The following SGCD variants were observed in gnomAD, a reference collection of about 807,000 sequenced individuals.
SGCD encodes the protein sarcoglycan delta.
Under a neutral mutation model 36.6 loss-of-function variants are expected in SGCD, and 18 were observed. The ratio of observed to expected loss-of-function variants is 0.49; its 90% confidence interval spans 0.34 to 0.73. The LOEUF is 0.73. SGCD is among the 30% of genes least tolerant of loss of function. The pLI is 0.01. For synonymous variants in SGCD, 133 were observed against 130.6 expected (o/e 1.02, Z -0.12); for missense variants, 387 against 346.7 (o/e 1.12, Z -0.92).
intron 3 of SGCD, among the ~76,000 whole-genome samples, chr5:156,186,081 CA>C (rs535785565): frequency 0.037 from 5,268 of 140,700 alleles, 113 homozygotes; most frequent in African/African-American, 0.066. Context: ...ACTTTCCTGG[CA>C]AAAAAAAAAA....
At chr5:156,305,543 C>A (rs1352131413) in intron 3 of SGCD, among the ~76,000 whole-genome samples, 1 of 152,122 alleles carries the variant, frequency 6.6e-6, no homozygotes, top group African/African-American at 2.4e-5. Flanking sequence ...TCATGGAGAA[C>A]CTCTGTTAGG....
chr5:155,862,365 G>A, the SGCD span, among the ~76,000 whole-genome samples: 4 of 152,086 alleles, frequency 2.6e-5, no homozygotes, highest in Admixed American at 1.3e-4. Context: ...TAATCAAAGG[G>A]TTACCTAGGC....
intron 3 of SGCD, among the ~76,000 whole-genome samples, chr5:156,425,599 G>GT (rs1773636860): frequency 6.6e-6 from 1 of 151,670 alleles, no homozygotes; most frequent in African/African-American, 2.4e-5. Flanking sequence ...GGTACATGTT[G>GT]TTTTTTGTTA....
intron 1 of SGCD, among the ~76,000 whole-genome samples, chr5:155,912,288 A>G (rs2113358903): frequency 6.6e-6 from 1 of 152,232 alleles, no homozygotes; most frequent in Non-Finnish European, 1.5e-5. Flanking sequence ...GAAATGGTAG[A>G]TGCATTAACA....
the SGCD span, among the ~76,000 whole-genome samples, chr5:155,812,697 C>T: frequency 2.6e-5 from 4 of 152,162 alleles, no homozygotes; most frequent in Non-Finnish European, 4.4e-5. Flanking sequence ...GAATAAGAAC[C>T]AATGTATGAG....
chr5:156,520,032 A>T (rs1015050521), intron 4 of SGCD, among the ~76,000 whole-genome samples: 4 of 152,160 alleles, frequency 2.6e-5, no homozygotes, highest in Admixed American at 2.6e-4. Flanking sequence ...CCACCAAGAG[A>T]AAGAAATAAA....
At chr5:156,487,331 C>T (rs747911117) in intron 3 of SGCD, among the ~76,000 whole-genome samples, 8 of 152,186 alleles carry the variant, frequency 5.3e-5, no homozygotes, top group Non-Finnish European at 1.0e-4. Context: ...TCAATCAACA[C>T]TATAGATGCA....
intron 3 of SGCD, among the ~76,000 whole-genome samples, chr5:156,502,977 G>A (rs2127865847): frequency 6.6e-6 from 1 of 152,270 alleles, no homozygotes; most frequent in Non-Finnish European, 1.5e-5. Flanking sequence ...GAGAGACAGG[G>A]AAGTAGGCTA....
chr5:156,751,124 T>C (rs1440933322), intron 7 of SGCD, among the ~76,000 whole-genome samples: 2 of 151,850 alleles, frequency 1.3e-5, no homozygotes, highest in Non-Finnish European at 2.9e-5. Flanking sequence ...AAAACTCAAG[T>C]AAGCTACAAT....
Position 156,047,647 on chromosome 5 carries a change from G to C in SGCD, c.-281-70231G>C, listed in dbSNP as rs530159267. On this transcript the variant is annotated intron_variant, in intron 1 of 9. Transcript: ENST00000517913. ...CCTGCTGCTAAGACTTACAGCTTGG[G>C]GGGGAAAAAGTTCTTTTCAAAATAT... Among the ~76,000 whole-genome samples the C allele has an allele frequency of 1.1e-4, 16 of 152,144 alleles. No homozygotes were observed. The South Asian group carries it at 1.7e-3, about 16-fold the overall frequency.
chr5:156,479,002 C>G (rs1266685904), intron 3 of SGCD, among the ~76,000 whole-genome samples: 1 of 152,166 alleles, frequency 6.6e-6, no homozygotes, highest in African/African-American at 2.4e-5. Flanking sequence ...TTTATTTGAT[C>G]TTGTCAGTGT....
intron 1 of SGCD, among the ~76,000 whole-genome samples, chr5:156,035,866 A>G (rs951660417): frequency 1.3e-5 from 2 of 152,224 alleles, no homozygotes; most frequent in African/African-American, 4.8e-5. Context: ...TGAGCAAAGT[A>G]TCAAAATGGT....
chr5:155,818,912 A>T, the SGCD span, among the ~76,000 whole-genome samples: 24 of 151,992 alleles, frequency 1.6e-4, no homozygotes, highest in African/African-American at 5.6e-4. Flanking sequence ...CAAGTAATGA[A>T]TTTTTCTTTG....
intron 3 of SGCD, among the ~76,000 whole-genome samples, chr5:156,390,201 G>A (rs1771491239): frequency 8.4e-6 from 1 of 119,594 alleles, no homozygotes; most frequent in Non-Finnish European, 1.7e-5. Context: ...TAGAGTCTAT[G>A]CCTTCTGTTT....
intron 3 of SGCD, among the ~76,000 whole-genome samples, chr5:156,240,418 A>C (rs1043639942): frequency 1.3e-5 from 2 of 152,246 alleles, no homozygotes; most frequent in East Asian, 3.9e-4. Flanking sequence ...CTCTGACCTC[A>C]AAGGGCATAT....
At chr5:156,227,937 T>C (rs965900884) in intron 3 of SGCD, among the ~76,000 whole-genome samples, 6 of 152,170 alleles carry the variant, frequency 3.9e-5, no homozygotes, top group Admixed American at 1.3e-4. Context: ...AATTTCAATG[T>C]ATTTGCATGG....
chr5:155,928,847 C>A (rs1757045846), intron 1 of SGCD, among the ~76,000 whole-genome samples: 1 of 151,994 alleles, frequency 6.6e-6, no homozygotes, highest in Non-Finnish European at 1.5e-5. Context: ...ATGCAACAAC[C>A]AAAGCAAGCA....
intron 3 of SGCD, among the ~76,000 whole-genome samples, chr5:156,273,765 C>T (rs1368108811): frequency 6.6e-6 from 1 of 152,122 alleles, no homozygotes; most frequent in Admixed American, 6.6e-5. Flanking sequence ...TGAGGTTTAT[C>T]ACACGATCCT....
chr5:155,957,368 G>A (rs1581011548), intron 1 of SGCD, among the ~76,000 whole-genome samples: 1 of 152,028 alleles, frequency 6.6e-6, no homozygotes, highest in East Asian at 1.9e-4. Context: ...TCTCTCCTTA[G>A]TGGCAGCCAA....
Sources: allele counts gnomAD v4.1 joint callset (sites outside exome capture counted in the v4.1 genomes callset), GRCh38; gene constraint gnomAD v4.1.1; transcripts MANE v1.5; gene names NCBI Gene and HGNC (gene_info 2026-07-23, HGNC 2026-07-21).